The following OSGEPL1 variants were observed in gnomAD, a reference collection of about 807,000 sequenced individuals.
OSGEPL1 encodes tRNA N6-adenosine threonylcarbamoyltransferase, mitochondrial.
Under a neutral mutation model 37.2 loss-of-function variants are expected in OSGEPL1, and 26 were observed. The ratio of observed to expected loss-of-function variants is 0.70; its 90% CI spans 0.51 to 0.97. OSGEPL1 has a LOEUF of 0.97. Ranked by LOEUF, OSGEPL1 falls within the 50% of genes least tolerant of loss-of-function variation. The probability of loss-of-function intolerance (pLI) is 0.00; values close to 1 mark genes in which losing one functional copy is unlikely to be tolerated. For synonymous variants in OSGEPL1, 140 were observed against 159.9 expected, an observed-to-expected ratio of 0.88 and a Z score of 0.94; for missense variants, 404 against 487.0, an observed-to-expected ratio of 0.83 and a Z score of 1.60.
rs1475396016 is a variant in OSGEPL1 at position 189,762,708 on chromosome 2, A to G, written c.-44T>C. On this transcript the variant is annotated 5_prime_UTR_variant, in exon 1 of 9. Coordinates refer to ENST00000264151, the MANE Select transcript of OSGEPL1 (RefSeq NM_022353.3). ...ACCTTCCACTTGGGCGGCAGTAGCTAGCACTTGTCTCCTTTCCCTACTAAA... is the reference window on the plus strand; with the variant it reads ...ACCTTCCACTTGGGCGGCAGTAGCTGGCACTTGTCTCCTTTCCCTACTAAA... 4 of 985,388 alleles carry G rather than the reference A, an allele frequency of 4.1e-6. No individual in the cohort carries two copies. Among genetic ancestry groups the G allele is most frequent in the South Asian group, 4.7e-5 (1 of 21,280 alleles). The allele number at this position is 985,388 out of a possible 1,614,324, so 61.0% of individuals were successfully genotyped here. A position where few individuals can be genotyped will look rare whatever the true frequency, so the allele number is the denominator to read the frequency against.
In OSGEPL1 at chr2:189,755,341, A is replaced by G. The variant is rs548384070; in HGVS notation, c.441T>C (p.His147=). Residue 147 remains histidine (H), a synonymous_variant, in exon 3 of 9, where the codon CAT becomes CAC. Coordinates refer to ENST00000264151, the MANE Select transcript of OSGEPL1 (RefSeq NM_022353.3). ...QLKKPFIPIH[H]MEAHALTIRL... ...TAATAGTAAGTGCATGAGCCTCCAT[A>G]TGATGAATGGGAATGAATGGCTTTT... is the stretch of plus-strand genomic sequence containing the variant. The G allele has an allele frequency of 3.6e-5, 58 of 1,613,572 alleles. 1 individual carries two copies. In the East Asian group the frequency reaches 1.2e-3, roughly 33 times the overall value.
intron 7 of OSGEPL1, among the ~76,000 whole-genome samples, chr2:189,750,865 A>G (rs907618088): frequency 1.3e-5 from 2 of 152,206 alleles, no homozygotes; most frequent in Admixed American, 1.3e-4. Context: ...CTAAATTTTG[A>G]GATATTTTTG....
intron 8 of OSGEPL1, among the ~76,000 whole-genome samples, chr2:189,749,610 C>T (rs2044785603): frequency 6.6e-6 from 1 of 151,906 alleles, no homozygotes; most frequent in Non-Finnish European, 1.5e-5. Flanking sequence ...TCTCAAATAA[C>T]TGATGTGAAA....
chr2:189,754,211 A>AT lies in OSGEPL1; in HGVS notation c.743dup (p.Asn248LysfsTer3). 6.2e-7 allele frequency: 1 copy of AT among 1,613,876 alleles called. No individual in the cohort carries two copies. The highest frequency in any genetic ancestry group is 1.1e-5 in the South Asian group (1 of 91,072). On this transcript the variant is annotated frameshift_variant, in exon 4 of 9. Coordinates refer to ENST00000264151, the MANE Select transcript of OSGEPL1 (RefSeq NM_022353.3). LOFTEE classifies it high-confidence loss of function. ...GAAGTCCAGTAAAAGAAAAATCACA[A>AT]TTTTTAGCATGATGCAAGGGAGGTT...
At chr2:189,751,911 C>T (rs1338475464) in intron 7 of OSGEPL1, among the ~76,000 whole-genome samples, 5 of 150,976 alleles carry the variant, frequency 3.3e-5, no homozygotes, top group East Asian at 2.0e-4. Context: ...TTTGGGAGGC[C>T]GAGGTGGGTG....
At chr2:189,753,096 G>A in intron 5 of OSGEPL1, 117 bp from the exon 6 acceptor site, 2 of 927,216 alleles carry the variant, frequency 2.2e-6, no homozygotes, top group Non-Finnish European at 3.1e-6. Context: ...ATTTTGAGAT[G>A]GGTAATGGGC....
intron 2 of OSGEPL1, among the ~76,000 whole-genome samples, chr2:189,759,868 C>T (rs776400187): frequency 1.6e-4 from 24 of 152,008 alleles, no homozygotes; most frequent in Non-Finnish European, 3.4e-4. Context: ...AACATGTGAA[C>T]AAAGGTCTCT....
Position 189,746,849 on chromosome 2 carries a change from T to A in OSGEPL1, c.*348A>T, listed in dbSNP as rs1029041674. 1 of 386,152 alleles carries A rather than the reference T, an allele frequency of 2.6e-6. No individual in the cohort carries two copies. The highest frequency in any genetic ancestry group is 5.3e-5 in the East Asian group (1 of 18,894). 23.9% of individuals were successfully genotyped at this position (386,152 alleles called of 1,614,324 possible). A position where few individuals can be genotyped will look rare whatever the true frequency, so the allele number is the denominator to read the frequency against. On this transcript the variant is annotated 3_prime_UTR_variant, in exon 9 of 9. Coordinates refer to ENST00000264151, the MANE Select transcript of OSGEPL1 (RefSeq NM_022353.3). ...ATTTCTGTAAACAAAGGCCTGCACTTAAACCTTAAAATTTATTGACTGACA... is the reference window on the plus strand; with the variant it reads ...ATTTCTGTAAACAAAGGCCTGCACTAAAACCTTAAAATTTATTGACTGACA...
intron 8 of OSGEPL1, among the ~76,000 whole-genome samples, chr2:189,749,639 C>T (rs373480129): frequency 1.3e-5 from 2 of 151,848 alleles, no homozygotes; most frequent in African/African-American, 2.4e-5. Context: ...ACAACTAAAG[C>T]GTACAATACA....
At position 189,753,956 on chromosome 2, in the gene OSGEPL1, C is replaced by T; in HGVS notation, c.923G>A (p.Cys308Tyr). 6.2e-7 allele frequency: 1 copy of T among 1,613,736 alleles called. No homozygotes were observed. ...TTGAGGTAACAAGTCTCTCTGCTTA[C>T]AAAACAGAATAGCCCGATGTGTTCT... Reference protein sequence around the residue: ...VKRTHRAILFCKQRDLLPQNN... With the variant: ...VKRTHRAILFYKQRDLLPQNN... Residue 308 changes from cysteine (C) to tyrosine (Y), a missense_variant, in exon 5 of 9, where the codon TGT becomes TAT. Transcript: ENST00000264151.
Position 189,755,321 on chromosome 2 carries a change from G to C in OSGEPL1, c.461C>G (p.Thr154Ser), listed in dbSNP as rs747837849. 6.2e-7 allele frequency: 1 copy of C among 1,613,540 alleles called. No individual in the cohort carries two copies. Among genetic ancestry groups the C allele is most frequent in the East Asian group, 2.2e-5 (1 of 44,878 alleles). Residue 154 changes from threonine (T) to serine (S), a missense_variant, in exon 3 of 9, where the codon ACT (threonine) becomes AGT (serine). Coordinates refer to ENST00000264151, the MANE Select transcript of OSGEPL1 (RefSeq NM_022353.3). ...PIHHMEAHAL[T>S]IRLTNKVEFP... ...TTCTACTTTATTGGTCAACCTAATAGTAAGTGCATGAGCCTCCATATGATG... is the reference window on the plus strand; with the variant it reads ...TTCTACTTTATTGGTCAACCTAATACTAAGTGCATGAGCCTCCATATGATG...
rs1406213140 is a variant in OSGEPL1, at chr2:189,754,001, A to G, written c.878T>C (p.Met293Thr). ...ADIAATVQHT[M>T]ACHLVKRTHR... Reference sequence around the variant, plus strand: ...TGTTCTTTTCACAAGATGACATGCCATTGTGTGCTGTACTGTGGCAGCAAT... The same window carrying G: ...TGTTCTTTTCACAAGATGACATGCCGTTGTGTGCTGTACTGTGGCAGCAAT... Residue 293 changes from methionine (M) to threonine (T), a missense_variant, in exon 5 of 9, where the codon ATG (methionine) becomes ACG (threonine). By Grantham distance (81) the Met-to-Thr change is moderately conservative (BLOSUM62 -1). Transcript: ENST00000264151. 1.2e-6 allele frequency: 2 copies of G among 1,613,638 alleles called. No individual in the cohort carries two copies. The highest frequency in any genetic ancestry group is 2.7e-5 in the African/African-American group (2 of 74,944).
Position 189,753,965 on chromosome 2 carries a change from A to AT in OSGEPL1, c.913dup (p.Ile305AsnfsTer5), listed in dbSNP as rs2045679089. ...CAAGTCTCTCTGCTTACAAAACAGAATAGCCCGATGTGTTCTTTTCACAAG... is the reference window on the plus strand; with the variant it reads ...CAAGTCTCTCTGCTTACAAAACAGAATTAGCCCGATGTGTTCTTTTCACAAG... On this transcript the variant is annotated frameshift_variant, in exon 5 of 9. Transcript: ENST00000264151. LOFTEE classifies it high-confidence loss of function. The AT allele has an allele frequency of 1.2e-6, 2 of 1,613,820 alleles. No homozygotes were observed. The highest frequency in any genetic ancestry group is 1.7e-6 in the Non-Finnish European group (2 of 1,179,826).
At chr2:189,747,561 A>G (rs2044337084) in intron 8 of OSGEPL1, among the ~76,000 whole-genome samples, 1 of 152,156 alleles carries the variant, frequency 6.6e-6, no homozygotes, top group South Asian at 2.1e-4. Flanking sequence ...TGGAAAGGGT[A>G]ATAGTCTTTG....
chr2:189,755,049 T>C, intron 3 of OSGEPL1, 124 bp downstream of exon 3: 1 of 1,173,768 alleles, frequency 8.5e-7, no homozygotes, highest in Non-Finnish European at 1.2e-6. Context: ...CATATGTGAA[T>C]TTTTTTCAGT....
chr2:189,755,206 A>C lies in OSGEPL1; in HGVS notation c.576T>G (p.Ser192=). 3 of 1,611,796 alleles carry C rather than the reference A, an allele frequency of 1.9e-6. No homozygotes were observed. Among genetic ancestry groups the C allele is most frequent in the Non-Finnish European group, 2.5e-6 (3 of 1,179,370 alleles). ...GCATGTCACCTGGTGCTATGTCCAAAGACTTTCCAAGAAGCAGAAAATCTG... is the reference window on the plus strand; with the variant it reads ...GCATGTCACCTGGTGCTATGTCCAACGACTTTCCAAGAAGCAGAAAATCTG... ...GVSDFLLLGK[S]LDIAPGDMLD... Residue 192 remains serine (S), a synonymous_variant, in exon 3 of 9, where the codon TCT becomes TCG. Coordinates refer to ENST00000264151, the MANE Select transcript of OSGEPL1 (RefSeq NM_022353.3).
chr2:189,759,507 C>T (rs967351417), intron 2 of OSGEPL1, among the ~76,000 whole-genome samples: 1 of 152,178 alleles, frequency 6.6e-6, no homozygotes, highest in African/African-American at 2.4e-5. Flanking sequence ...GCCTCGGCCT[C>T]CCAAAGTGAT....
Position 189,761,524 on chromosome 2 carries a change from T to A in OSGEPL1, c.117A>T (p.Val39=). The A allele has an allele frequency of 6.2e-7, 1 of 1,612,758 alleles. No homozygotes were observed. The change falls in exon 2 of 9, where the codon GTA becomes GTT. Residue 39 remains valine (V), a synonymous_variant. Coordinates refer to ENST00000264151, the MANE Select transcript of OSGEPL1 (RefSeq NM_022353.3). ...CATCACAACTAGTTTCAATTCCCAA[T>A]ACTATTTTATGAAGAAATAGTGTTC... ...HPGTLFLHKI[V]LGIETSCDDT...
At position 189,752,921 on chromosome 2, in the gene OSGEPL1, G is replaced by A. The variant is rs1213962858; in HGVS notation, c.1022C>T (p.Thr341Ile). Residue 341 changes from threonine (T) to isoleucine (I), a missense_variant, in exon 6 of 9, where the codon ACA (threonine) becomes ATA (isoleucine). Physicochemically the swap from Thr to Ile is moderately conservative, Grantham distance 89. Coordinates refer to ENST00000264151, the MANE Select transcript of OSGEPL1 (RefSeq NM_022353.3). ...FYIRRALEIL[T>I]NATQCTLLCP... Reference sequence around the variant, plus strand: ...CAACAAAGTGCACTGTGTTGCATTTGTTAAAATTTCCAGAGCTCTGCGGAT... The same window carrying A: ...CAACAAAGTGCACTGTGTTGCATTTATTAAAATTTCCAGAGCTCTGCGGAT... 1.9e-6 allele frequency: 3 copies of A among 1,613,530 alleles called. No individual in the cohort carries two copies. The African/African-American group carries it at 4.0e-5, about 22-fold the overall frequency.
Sources: allele counts gnomAD v4.1 joint callset (sites outside exome capture counted in the v4.1 genomes callset), GRCh38; gene constraint gnomAD v4.1.1; transcripts MANE v1.5; gene names NCBI Gene and HGNC (gene_info 2026-07-23, HGNC 2026-07-21).